Variants in CPXM2 observed in about 807,000 individuals in gnomAD.
CPXM2 encodes the protein inactive carboxypeptidase-like protein X2.
CPXM2 carries 66 observed loss-of-function variants against 86.1 expected under a neutral mutation model. The ratio of observed to expected loss-of-function variants is 0.77; its 90% CI spans 0.63 to 0.94. The LOEUF (loss-of-function observed/expected upper bound fraction) is 0.94, where lower values mean the gene tolerates loss of function less well. CPXM2 is among the 40% of genes least tolerant of loss of function. The probability of loss-of-function intolerance (pLI) is 0.00; values close to 1 mark genes in which losing one functional copy is unlikely to be tolerated. For synonymous variants in CPXM2, 388 were observed against 400.2 expected, an observed-to-expected ratio of 0.97 and a Z score of 0.36; for missense variants, 948 against 1,026.3, an observed-to-expected ratio of 0.92 and a Z score of 1.04.
chr10:123,787,850 C>A (rs561739915), intron 6 of CPXM2, among the ~76,000 whole-genome samples: 5 of 152,212 alleles, frequency 3.3e-5, no homozygotes, highest in African/African-American at 9.6e-5. Flanking sequence ...CCAAGTTACC[C>A]GGGGATGGCG....
intron 4 of CPXM2, among the ~76,000 whole-genome samples, chr10:123,834,413 TAG>T (rs1350420712): frequency 6.6e-6 from 1 of 151,986 alleles, no homozygotes; most frequent in Non-Finnish European, 1.5e-5. Flanking sequence ...TACAAACAAA[TAG>T]ATAGGTGGTC....
At chr10:123,761,793 G>A (rs1207679995) in intron 11 of CPXM2, 79 bp downstream of exon 11, 6 of 1,410,248 alleles carry the variant, frequency 4.3e-6, no homozygotes, top group Non-Finnish European at 5.8e-6. Flanking sequence ...GGACAGTAGT[G>A]ACACCAGGAG....
chr10:123,910,045 A>G lies in CPXM2; in HGVS notation n.174+29432T>C, dbSNP rs565584130. On this transcript the variant is annotated intron_variant and non_coding_transcript_variant, in intron 2 of 19. Transcript: ENST00000368854. ...AGGCAGCGCCCGAACCCACAGAGAC[A>G]GTGTAGGGAGCAGGTGCAGCCACCA... Among the ~76,000 whole-genome samples, 12 of 152,276 alleles carry G rather than the reference A, an allele frequency of 7.9e-5. 1 individual carries two copies. In the South Asian group the frequency reaches 2.5e-3, roughly 32 times the overall value.
chr10:123,757,859 G>A (rs1013783908), intron 11 of CPXM2, among the ~76,000 whole-genome samples: 5 of 152,160 alleles, frequency 3.3e-5, no homozygotes, highest in Admixed American at 6.5e-5. Flanking sequence ...GCACTCTGCA[G>A]CCATTAGGTT....
chr10:123,877,582 A>G (rs1362984291), intron 2 of CPXM2, among the ~76,000 whole-genome samples: 14 of 152,238 alleles, frequency 9.2e-5, no homozygotes, highest in Admixed American at 9.2e-4. Context: ...GCTTGGGCTC[A>G]GAACTGACAC....
intron 13 of CPXM2, among the ~76,000 whole-genome samples, chr10:123,747,918 T>C (rs1312291694): frequency 2.0e-5 from 2 of 101,166 alleles, no homozygotes; most frequent in African/African-American, 9.3e-5. Flanking sequence ...TGAGACTCTG[T>C]CTCAAAAAAA....
Position 123,780,243 on chromosome 10 carries a change from T to C in CPXM2, c.902A>G (p.Tyr301Cys), listed in dbSNP as rs757948905. The C allele has an allele frequency of 1.0e-5, 16 of 1,602,102 alleles. No individual in the cohort carries two copies. Among genetic ancestry groups the C allele is most frequent in the Non-Finnish European group, 1.3e-5 (15 of 1,169,194 alleles). Reference sequence around the variant, plus strand: ...GGTCATCTCGTTCCGGCGGTGATAATAATTATTAGGATCTAGGGACAGAAA... The same window carrying C: ...GGTCATCTCGTTCCGGCGGTGATAACAATTATTAGGATCTAGGGACAGAAA... ...LGCPLPDPNNYYHRRNEMTTT... is the reference protein window; with the variant it reads ...LGCPLPDPNNCYHRRNEMTTT... The change falls in exon 7 of 14, where the codon TAT (tyrosine) becomes TGT (cysteine). Residue 301 changes from tyrosine to cysteine, a missense_variant. Physicochemically the swap from Tyr to Cys is radical, Grantham distance 194. Coordinates refer to ENST00000241305, the MANE Select transcript of CPXM2 (RefSeq NM_198148.3).
At chr10:123,789,526 T>C (rs1847154528) in intron 6 of CPXM2, among the ~76,000 whole-genome samples, 1 of 152,194 alleles carries the variant, frequency 6.6e-6, no homozygotes, top group South Asian at 2.1e-4. Flanking sequence ...TCATCAACAT[T>C]GGGCAGCTGG....
At chr10:123,797,365 C>T (rs1285030221) in intron 6 of CPXM2, among the ~76,000 whole-genome samples, 1 of 152,160 alleles carries the variant, frequency 6.6e-6, no homozygotes, top group Non-Finnish European at 1.5e-5. Flanking sequence ...TCTTTTTTCT[C>T]ACTTCTGAGT....
chr10:123,807,424 T>C (rs1355116948), intron 4 of CPXM2, among the ~76,000 whole-genome samples: 2 of 152,236 alleles, frequency 1.3e-5, no homozygotes, highest in Non-Finnish European at 2.9e-5. Context: ...CTTAAAGCTC[T>C]ACCTACATGA....
At chr10:123,775,822 C>T (rs1846771582) in intron 7 of CPXM2, among the ~76,000 whole-genome samples, 1 of 152,206 alleles carries the variant, frequency 6.6e-6, no homozygotes. Flanking sequence ...AAGCATCTCT[C>T]CAGTGGCTAC....
At chr10:123,835,160 A>C (rs73366720) in intron 4 of CPXM2, among the ~76,000 whole-genome samples, 9,627 of 152,286 alleles carry the variant, frequency 0.063, 671 homozygotes, top group African/African-American at 0.17. Context: ...TCAGGGAAGG[A>C]GGCCCACAGC....
At chr10:123,756,138 C>A (rs934086494) in intron 12 of CPXM2, among the ~76,000 whole-genome samples, 1 of 152,178 alleles carries the variant, frequency 6.6e-6, no homozygotes, top group Non-Finnish European at 1.5e-5. Context: ...GCTGAATGTG[C>A]CTTCTGACTC....
chr10:123,774,389 CA>C (rs1295560349), intron 7 of CPXM2, among the ~76,000 whole-genome samples: 1 of 152,116 alleles, frequency 6.6e-6, no homozygotes, highest in Non-Finnish European at 1.5e-5. Context: ...TGTAGATAAA[CA>C]AATCTGTTGC....
chr10:123,914,708 C>T (rs77327724), intron 2 of CPXM2, among the ~76,000 whole-genome samples: 2,404 of 152,288 alleles, frequency 0.016, 64 homozygotes, highest in African/African-American at 0.055. Flanking sequence ...CAGCTTCCAA[C>T]GTATACCATG....
chr10:123,854,618 C>A (rs1422789139), intron 3 of CPXM2, among the ~76,000 whole-genome samples: 1 of 151,250 alleles, frequency 6.6e-6, no homozygotes, highest in Non-Finnish European at 1.5e-5. Flanking sequence ...CCAGCTCCAG[C>A]ACCCAAGTGA....
chr10:123,754,639 C>G lies in CPXM2; in HGVS notation c.2017+24G>C. ...AAAATGGGTATTTCTTACCAAGAGACAGTCTGCACACATTTGCAGTTACCT... is the reference window on the plus strand; with the variant it reads ...AAAATGGGTATTTCTTACCAAGAGAGAGTCTGCACACATTTGCAGTTACCT... On this transcript the variant is annotated intron_variant, in intron 13 of 13. Coordinates refer to ENST00000241305, the MANE Select transcript of CPXM2 (RefSeq NM_198148.3). The surrounding 1 kb of genome is among the most constrained non-coding windows in gnomAD (Gnocchi z 4.0). 1 of 1,234,004 alleles carries G rather than the reference C, an allele frequency of 8.1e-7. No individual in the cohort carries two copies. The allele number at this position is 1,234,004 out of a possible 1,614,324, so 76.4% of individuals were successfully genotyped here.
chr10:123,826,373 C>T (rs1848047526), intron 4 of CPXM2, among the ~76,000 whole-genome samples: 1 of 152,018 alleles, frequency 6.6e-6, no homozygotes, highest in African/African-American at 2.4e-5. Context: ...CTATACTGTG[C>T]TACTAACAGC....
At chr10:123,834,506 G>A (rs756598296) in intron 4 of CPXM2, among the ~76,000 whole-genome samples, 2 of 152,224 alleles carry the variant, frequency 1.3e-5, no homozygotes, top group African/African-American at 2.4e-5. Context: ...GCACAAGGAG[G>A]GTTGTGCCTG....
Sources: gnomAD v4.1 joint callset for allele counts (sites outside exome capture counted in the v4.1 genomes callset) on GRCh38, gnomAD v4.1.1 for gene constraint, Gnocchi (gnomAD v3.1) non-coding constraint, MANE v1.5 for transcripts, NCBI Gene and HGNC (gene_info 2026-07-23, HGNC 2026-07-21) for gene names.